The following KCNH8 variants were observed in gnomAD, a reference collection of about 807,000 sequenced individuals.
KCNH8 encodes voltage-gated delayed rectifier potassium channel KCNH8.
KCNH8 carries 70 observed loss-of-function variants against 103.6 expected under a neutral mutation model. The observed-to-expected ratio is 0.68, with a 90% confidence interval of 0.56 to 0.82. KCNH8 has a LOEUF of 0.82. Ranked by LOEUF, KCNH8 falls within the 40% of genes least tolerant of loss-of-function variation. KCNH8 has a pLI of 0.00. For synonymous variants in KCNH8, 498 were observed against 489.4 expected (o/e 1.02, Z -0.23); for missense variants, 1,217 against 1,329.9 (o/e 0.92, Z 1.32).
intron 2 of KCNH8, among the ~76,000 whole-genome samples, chr3:19,254,983 G>A (rs1398758443): frequency 6.6e-6 from 1 of 152,048 alleles, no homozygotes. Context: ...GTATATTGAC[G>A]TCATAATCCC....
At chr3:19,232,313 C>A (rs2064004912) in intron 1 of KCNH8, among the ~76,000 whole-genome samples, 1 of 152,174 alleles carries the variant, frequency 6.6e-6, no homozygotes, top group Non-Finnish European at 1.5e-5. Flanking sequence ...CAACCATATC[C>A]TTCACTGAGA....
intron 15 of KCNH8, among the ~76,000 whole-genome samples, chr3:19,520,553 A>G (rs2068954730): frequency 6.7e-6 from 1 of 150,316 alleles, no homozygotes; most frequent in Non-Finnish European, 1.5e-5. Flanking sequence ...AAGAGTTTAT[A>G]TAGAAAAAAA....
At chr3:19,229,645 G>A (rs562467093) in intron 1 of KCNH8, among the ~76,000 whole-genome samples, 1 of 152,330 alleles carries the variant, frequency 6.6e-6, no homozygotes, top group African/African-American at 2.4e-5. Flanking sequence ...TGTGATGGGA[G>A]GGGCTGTGAC....
chr3:19,299,579 CAACA>C (rs1031369751), intron 3 of KCNH8, among the ~76,000 whole-genome samples: 4 of 151,990 alleles, frequency 2.6e-5, no homozygotes, highest in Non-Finnish European at 4.4e-5. Context: ...TAAATCTCTA[CAACA>C]AACCCCTATG....
At chr3:19,346,855 C>A in intron 4 of KCNH8, 1 of 350,872 alleles carries the variant, frequency 2.9e-6, no homozygotes, top group Non-Finnish European at 5.7e-6. Context: ...CTGCAAGTAG[C>A]TGGTCACAGG....
At chr3:19,346,449 C>T (rs1454113119) in intron 4 of KCNH8, among the ~76,000 whole-genome samples, 3 of 152,110 alleles carry the variant, frequency 2.0e-5, no homozygotes, top group Middle Eastern at 6.8e-3. Context: ...TGACCCACCA[C>T]GAAGTACTGA....
intron 1 of KCNH8, among the ~76,000 whole-genome samples, chr3:19,160,054 G>T (rs1221316450): frequency 6.6e-6 from 1 of 152,048 alleles, no homozygotes; most frequent in African/African-American, 2.4e-5. Context: ...TAAGAAAATT[G>T]ATGATGCATA....
chr3:19,258,008 T>C (rs1267842812), intron 2 of KCNH8, among the ~76,000 whole-genome samples: 1 of 151,984 alleles, frequency 6.6e-6, no homozygotes, highest in East Asian at 1.9e-4. Flanking sequence ...TCTCCCTATG[T>C]GATGGTCTGT....
chr3:19,266,914 A>G (rs1315244909), intron 2 of KCNH8, among the ~76,000 whole-genome samples: 1 of 152,086 alleles, frequency 6.6e-6, no homozygotes, highest in Non-Finnish European at 1.5e-5. Flanking sequence ...TCCTTAGAGA[A>G]CATATTTCAA....
chr3:19,451,144 T>G lies in KCNH8; in HGVS notation c.1576-11T>G. 1 of 1,613,234 alleles carries G rather than the reference T, an allele frequency of 6.2e-7. No homozygotes were observed. The highest frequency in any genetic ancestry group is 1.1e-5 in the South Asian group (1 of 91,062). ...CCCCAATTTGATTTCCTCCTTCATC[T>G]TCTCTGACAGCTTTTGAAAGACTTT... On this transcript the variant is annotated splice_polypyrimidine_tract_variant and intron_variant, in intron 9 of 15. Coordinates refer to ENST00000328405, the MANE Select transcript of KCNH8 (RefSeq NM_144633.3).
rs867506429 is a variant in KCNH8, at chr3:19,170,814, T to A, written c.76+22019T>A. Among the ~76,000 whole-genome samples the A allele has an allele frequency of 1.0e-3, 143 of 139,826 alleles. 3 individuals carry two copies. The highest frequency in any genetic ancestry group is 7.3e-3 in the Middle Eastern group (2 of 274). 91.7% of individuals were successfully genotyped at this position (139,826 alleles called of 152,430 possible). On this transcript the variant is annotated intron_variant, in intron 1 of 15. Transcript: ENST00000328405. ...CATATATATATATATATATATATTT[T>A]TTTTTTTTTTTTTGAGACGAAGTCT...
At chr3:19,244,160 A>G (rs1329874184) in intron 1 of KCNH8, among the ~76,000 whole-genome samples, 3 of 152,226 alleles carry the variant, frequency 2.0e-5, no homozygotes, top group Non-Finnish European at 2.9e-5. Flanking sequence ...AAATTGTCCC[A>G]GAAAATCCAG....
At chr3:19,497,829 T>C (rs889760688) in intron 11 of KCNH8, among the ~76,000 whole-genome samples, 1 of 152,162 alleles carries the variant, frequency 6.6e-6, no homozygotes, top group African/African-American at 2.4e-5. Flanking sequence ...TCTAATACTC[T>C]CAATGGGGTA....
intron 3 of KCNH8, among the ~76,000 whole-genome samples, chr3:19,294,417 AAC>A (rs1246586351): frequency 3.3e-5 from 5 of 152,136 alleles, no homozygotes; most frequent in Admixed American, 6.5e-5. Flanking sequence ...AATGGAAAAA[AAC>A]ACATGCAAAA....
intron 11 of KCNH8, among the ~76,000 whole-genome samples, chr3:19,492,457 C>T (rs775915536): frequency 3.3e-5 from 5 of 152,038 alleles, no homozygotes; most frequent in South Asian, 4.1e-4. Flanking sequence ...TTATGTTTGT[C>T]GATCTTATGG....
intron 5 of KCNH8, among the ~76,000 whole-genome samples, chr3:19,368,825 C>G (rs1574975476): frequency 6.6e-6 from 1 of 152,058 alleles, no homozygotes; most frequent in African/African-American, 2.4e-5. Context: ...ATGGTCTCGT[C>G]AAGAAAAATG....
intron 1 of KCNH8, among the ~76,000 whole-genome samples, chr3:19,187,461 C>T (rs1559414178): frequency 6.6e-6 from 1 of 152,032 alleles, no homozygotes; most frequent in Non-Finnish European, 1.5e-5. Context: ...GATGACCATA[C>T]CTTGTTAATG....
intron 3 of KCNH8, among the ~76,000 whole-genome samples, chr3:19,290,239 C>T (rs2064898837): frequency 6.6e-6 from 1 of 152,080 alleles, no homozygotes; most frequent in Non-Finnish European, 1.5e-5. Context: ...CCCTTTATTT[C>T]CTTCTCCTGC....
chr3:19,215,649 T>C (rs11914725), intron 1 of KCNH8, among the ~76,000 whole-genome samples: 5,923 of 152,332 alleles, frequency 0.039, 410 homozygotes, highest in African/African-American at 0.13. Flanking sequence ...TCAATGCTAC[T>C]TACTAGAGTA....
Sources: allele counts gnomAD v4.1 joint callset (sites outside exome capture counted in the v4.1 genomes callset), GRCh38; gene constraint gnomAD v4.1.1; transcripts MANE v1.5; gene names NCBI Gene and HGNC (gene_info 2026-07-23, HGNC 2026-07-21).